Variants in CRYBG1 observed in about 807,000 individuals in gnomAD.
CRYBG1 encodes crystallin beta-gamma domain containing 1.
In CRYBG1, 139 loss-of-function variants were observed where a neutral mutation model predicts 189.2. The observed-to-expected ratio is 0.73, with a 90% CI of 0.64 to 0.85. The LOEUF (loss-of-function observed/expected upper bound fraction) is 0.85. Ranked by LOEUF, CRYBG1 falls within the 40% of genes least tolerant of loss-of-function variation. The probability of loss-of-function intolerance (pLI) is 0.00; values close to 1 mark genes in which losing one functional copy is unlikely to be tolerated. For synonymous variants in CRYBG1, 1,023 were observed against 1,017.1 expected (o/e 1.01, Z -0.11); for missense variants, 2,611 against 2,675.8 (o/e 0.98, Z 0.53).
intron 1 of CRYBG1, chr6:106,420,849 G>A (rs1053492034): frequency 2.0e-5 from 3 of 152,340 alleles, no homozygotes; most frequent in Non-Finnish European, 2.9e-5. Flanking sequence ...TTTTGGTAAA[G>A]TTACATTTTT....
At chr6:106,469,916 T>C (rs563002789) in intron 2 of CRYBG1, among the ~76,000 whole-genome samples, 5 of 152,330 alleles carry the variant, frequency 3.3e-5, no homozygotes, top group Non-Finnish European at 5.9e-5. Context: ...GGAAGAGTTA[T>C]AGGCAGAGGA....
chr6:106,555,883 C>T lies in CRYBG1; in HGVS notation c.5701C>T (p.Arg1901Cys), dbSNP rs779661246. ...GCCTGGAGCAACTTTCAAGTCTCTT[C>T]GTTTTATAGATGTTGTAAGTATGTC... ...CPPGATFKSL[R>C]FIDVEFSEPT... The change falls in exon 17 of 22, where the codon CGT becomes TGT. Residue 1901 changes from arginine to cysteine, a missense_variant. By Grantham distance (180) the Arg-to-Cys change is radical. Around this residue, in one of 3 missense-constraint regions of CRYBG1, gnomAD observed 1,622 missense variants for 1,735.0 expected, o/e 0.93. Transcript: ENST00000633556. The T allele has an allele frequency of 1.7e-5, 27 of 1,613,992 alleles. No individual in the cohort carries two copies. The highest frequency in any genetic ancestry group is 1.6e-4 in the Middle Eastern group (1 of 6,084).
At chr6:106,362,845 C>T (rs1031938202) in intron 1 of CRYBG1, among the ~76,000 whole-genome samples, 3 of 152,220 alleles carry the variant, frequency 2.0e-5, no homozygotes, top group East Asian at 1.9e-4. Flanking sequence ...ACATTTCCAT[C>T]GTGGTTTTCC....
intron 8 of CRYBG1, among the ~76,000 whole-genome samples, chr6:106,538,707 A>G (rs577869900): frequency 1.1e-4 from 16 of 152,232 alleles, no homozygotes; most frequent in African/African-American, 3.9e-4. Flanking sequence ...AGCCTGGCCA[A>G]TATGGTGAGA....
At chr6:106,491,133 A>G (rs1335516819) in intron 2 of CRYBG1, among the ~76,000 whole-genome samples, 1 of 152,238 alleles carries the variant, frequency 6.6e-6, no homozygotes, top group African/African-American at 2.4e-5. Context: ...AAACAAAATG[A>G]TGAAATACTC....
chr6:106,536,216 G>C (rs539557132), intron 8 of CRYBG1, among the ~76,000 whole-genome samples: 1 of 137,112 alleles, frequency 7.3e-6, no homozygotes, highest in African/African-American at 2.8e-5. Context: ...TTAAGGTATG[G>C]TTAGGTTCAG....
intron 1 of CRYBG1, among the ~76,000 whole-genome samples, chr6:106,445,591 T>C (rs1171187380): frequency 6.6e-6 from 1 of 152,236 alleles, no homozygotes; most frequent in East Asian, 1.9e-4. Context: ...CTGATACTTA[T>C]TGAGAACCTA....
At chr6:106,552,582 C>T (rs1774430901) in intron 15 of CRYBG1, among the ~76,000 whole-genome samples, 1 of 67,622 alleles carries the variant, frequency 1.5e-5, no homozygotes, top group East Asian at 5.9e-4. Flanking sequence ...GACTCTGTCT[C>T]AAAAAAAAAA....
chr6:106,558,685 G>A (rs1774621284), intron 18 of CRYBG1, 60 bp downstream of exon 18: 5 of 1,435,516 alleles, frequency 3.5e-6, no homozygotes, highest in East Asian at 2.5e-5. Context: ...AGTTTGGGCT[G>A]GGCACAGTGG....
In CRYBG1 at chr6:106,519,505, G is replaced by GA. The variant is rs1457205302; in HGVS notation, c.2299dup (p.Met767AsnfsTer7). The GA allele has an allele frequency of 6.2e-7, 1 of 1,614,120 alleles. No homozygotes were observed. Among genetic ancestry groups the GA allele is most frequent in the South Asian group, 1.1e-5 (1 of 91,078 alleles). On this transcript the variant is annotated frameshift_variant, in exon 4 of 22. Transcript: ENST00000633556. LOFTEE classifies it high-confidence loss of function. ...GAAGAGATTCTGCCAGCAACCAGAG[G>GA]AATGAATGGAGACTCTTCTGAGAAT...
At position 106,542,608 on chromosome 6, in the gene CRYBG1, C is replaced by CATTTTATTTT. The variant is rs56795208; in HGVS notation, c.4882-781_4882-772dup. On this transcript the variant is annotated intron_variant, in intron 10 of 21. Transcript: ENST00000633556. ...TTAATTTTTTAAAATATGATTAGAA[C>CATTTTATTTT]ATTTTATTTTATTTTATTTTATTTT... 2.0e-3 allele frequency among the ~76,000 whole-genome samples: 249 copies of CATTTTATTTT among 126,738 alleles called. 1 individual carries two copies. Among genetic ancestry groups the CATTTTATTTT allele is most frequent in the African/African-American group, 5.4e-3 (184 of 34,068 alleles). The allele number at this position is 126,738 out of a possible 152,430, so 83.1% of individuals were successfully genotyped here. A position where few individuals can be genotyped will look rare whatever the true frequency, so the allele number is the denominator to read the frequency against.
intron 1 of CRYBG1, among the ~76,000 whole-genome samples, chr6:106,425,162 C>G (rs911805378): frequency 2.6e-5 from 4 of 152,158 alleles, no homozygotes; most frequent in Non-Finnish European, 4.4e-5. Context: ...TCCTCAGCCC[C>G]TTGGGAATAC....
chr6:106,474,950 T>TG (rs1398397291), intron 2 of CRYBG1, among the ~76,000 whole-genome samples: 2 of 152,176 alleles, frequency 1.3e-5, no homozygotes, highest in Non-Finnish European at 2.9e-5. Flanking sequence ...CCACCAATGT[T>TG]GGGGGAAAAC....
At chr6:106,531,124 A>T (rs1773868415) in intron 8 of CRYBG1, among the ~76,000 whole-genome samples, 1 of 152,228 alleles carries the variant, frequency 6.6e-6, no homozygotes, top group African/African-American at 2.4e-5. Context: ...AGTGGTATGG[A>T]GTATCTCTGC....
At chr6:106,365,020 G>A (rs922022233) in intron 1 of CRYBG1, among the ~76,000 whole-genome samples, 5 of 152,188 alleles carry the variant, frequency 3.3e-5, no homozygotes, top group Admixed American at 3.3e-4. Flanking sequence ...CTCCTTTGGA[G>A]TAGGAATTTT....
intron 8 of CRYBG1, among the ~76,000 whole-genome samples, chr6:106,533,933 G>A (rs11752138): frequency 0.68 from 103,945 of 152,046 alleles, 36,278 homozygotes; most frequent in South Asian, 0.84. Context: ...CAGTCCCAAA[G>A]GGGAGTGGGT....
At chr6:106,510,241 T>A (rs929494562) in intron 2 of CRYBG1, among the ~76,000 whole-genome samples, 2 of 152,180 alleles carry the variant, frequency 1.3e-5, no homozygotes, top group Non-Finnish European at 2.9e-5. Flanking sequence ...CACTTCCCTC[T>A]CCTAGGAGCC....
At chr6:106,515,202 TTATAA>T (rs1177157569) in intron 3 of CRYBG1, among the ~76,000 whole-genome samples, 4 of 152,214 alleles carry the variant, frequency 2.6e-5, no homozygotes, top group African/African-American at 4.8e-5. Flanking sequence ...AATTTTCCTC[TTATAA>T]TATAACTATG....
intron 7 of CRYBG1, among the ~76,000 whole-genome samples, chr6:106,529,130 G>C (rs1773818101): frequency 6.6e-6 from 1 of 152,038 alleles, no homozygotes; most frequent in African/African-American, 2.4e-5. Context: ...GTTTTTAGTA[G>C]AGACGGGGTT....
Sources: gnomAD v4.1 joint callset for allele counts (sites outside exome capture counted in the v4.1 genomes callset) on GRCh38, gnomAD v4.1.1 for gene constraint, gnomAD v4.1.1 regional missense constraint, MANE v1.5 for transcripts, NCBI Gene and HGNC (gene_info 2026-07-23, HGNC 2026-07-21) for gene names.